The following GALNTL6 variants were observed in gnomAD, a reference collection of about 807,000 sequenced individuals.
The protein encoded by GALNTL6 is polypeptide N-acetylgalactosaminyltransferase like 6.
GALNTL6 carries 46 observed loss-of-function variants against 73.7 expected under a neutral mutation model. That is an observed-to-expected ratio of 0.62 (90% confidence interval 0.49 to 0.80). GALNTL6 has a LOEUF of 0.80. Ranked by LOEUF, GALNTL6 falls within the 30% of genes least tolerant of loss-of-function variation. GALNTL6 has a pLI of 0.00. For missense variants in GALNTL6, 604 were observed against 755.0 expected (o/e 0.80, Z 2.34); for synonymous variants, 259 against 263.7 (o/e 0.98, Z 0.17).
At chr4:172,295,399 G>A (rs995951969) in intron 3 of GALNTL6, among the ~76,000 whole-genome samples, 80 of 140,554 alleles carry the variant, frequency 5.7e-4, no homozygotes, top group African/African-American at 1.9e-3. Context: ...TCGAGCCTGG[G>A]CAACAGAGTG....
chr4:172,752,187 A>G (rs934917313), intron 5 of GALNTL6, among the ~76,000 whole-genome samples: 3 of 152,086 alleles, frequency 2.0e-5, no homozygotes, highest in Non-Finnish European at 2.9e-5. Flanking sequence ...TTAAAAAAGT[A>G]ATATATATTA....
At chr4:171,971,566 T>G (rs1417740979) in intron 2 of GALNTL6, among the ~76,000 whole-genome samples, 4 of 152,214 alleles carry the variant, frequency 2.6e-5, no homozygotes, top group African/African-American at 9.6e-5. Flanking sequence ...AAGTGAAGAA[T>G]TATTGAGCAT....
chr4:172,360,702 C>T (rs768824799), intron 5 of GALNTL6, among the ~76,000 whole-genome samples: 3 of 152,032 alleles, frequency 2.0e-5, no homozygotes, highest in African/African-American at 4.8e-5. Context: ...TCTGTGCAGT[C>T]GATGTTGCAC....
chr4:172,069,468 C>CAT (rs1269651235), intron 2 of GALNTL6, among the ~76,000 whole-genome samples: 2 of 49,638 alleles, frequency 4.0e-5, no homozygotes, highest in Non-Finnish European at 1.0e-4. Flanking sequence ...ACACATATAA[C>CAT]ATATATGTTA....
intron 5 of GALNTL6, among the ~76,000 whole-genome samples, chr4:172,463,664 T>A (rs1336134217): frequency 2.0e-5 from 3 of 152,182 alleles, no homozygotes; most frequent in Non-Finnish European, 4.4e-5. Flanking sequence ...CATTAACTAA[T>A]TAATAACAAT....
At chr4:172,020,767 G>GA in intron 2 of GALNTL6, among the ~76,000 whole-genome samples, 1 of 151,930 alleles carries the variant, frequency 6.6e-6, no homozygotes, top group African/African-American at 2.4e-5. Context: ...AAACTATTCT[G>GA]AAAAATAAGG....
At chr4:171,922,819 T>C (rs1737834305) in intron 2 of GALNTL6, among the ~76,000 whole-genome samples, 1 of 152,138 alleles carries the variant, frequency 6.6e-6, no homozygotes, top group Non-Finnish European at 1.5e-5. Flanking sequence ...TACCTTACTA[T>C]TTAATATAGA....
intron 3 of GALNTL6, among the ~76,000 whole-genome samples, chr4:172,298,471 T>C: frequency 6.6e-6 from 1 of 152,210 alleles, no homozygotes; most frequent in South Asian, 2.1e-4. Context: ...GCCCATTCAG[T>C]ATGATATTGG....
intron 2 of GALNTL6, among the ~76,000 whole-genome samples, chr4:171,932,102 G>A (rs1738203435): frequency 6.6e-6 from 1 of 152,278 alleles, no homozygotes; most frequent in Non-Finnish European, 1.5e-5. Context: ...CTTCCCTAGA[G>A]TTAAGGATAT....
intron 5 of GALNTL6, among the ~76,000 whole-genome samples, chr4:172,798,113 A>G (rs1291358749): frequency 6.6e-6 from 1 of 152,122 alleles, no homozygotes; most frequent in Admixed American, 6.6e-5. Context: ...ATATTCACTT[A>G]CAATCATTTA....
chr4:172,107,121 C>T (rs140162747), intron 2 of GALNTL6, among the ~76,000 whole-genome samples: 2 of 152,284 alleles, frequency 1.3e-5, no homozygotes, highest in East Asian at 3.9e-4. Context: ...GATCTGCCCG[C>T]CTCGGCCTCC....
intron 2 of GALNTL6, among the ~76,000 whole-genome samples, chr4:171,835,047 A>G (rs1735065161): frequency 6.6e-6 from 1 of 152,018 alleles, no homozygotes; most frequent in African/African-American, 2.4e-5. Flanking sequence ...AACATTCTCC[A>G]TGTTCTTCTT....
At chr4:172,462,489 C>T (rs1468156868) in intron 5 of GALNTL6, among the ~76,000 whole-genome samples, 1 of 152,154 alleles carries the variant, frequency 6.6e-6, no homozygotes, top group African/African-American at 2.4e-5. Context: ...ATGTGTTTTC[C>T]AATCTTAGGA....
chr4:172,771,966 T>A lies in GALNTL6; in HGVS notation c.554-37395T>A, dbSNP rs61707976. 2.2e-3 allele frequency among the ~76,000 whole-genome samples: 335 copies of A among 152,238 alleles called. 1 individual carries two copies. The highest frequency in any genetic ancestry group is 7.7e-3 in the African/African-American group (320 of 41,542). ...AAAGACATACCCGAGATTGGGCAAT[T>A]TACAGAAGAAGGAGCTTTAATGGAC... On this transcript the variant is annotated intron_variant, in intron 5 of 12. Transcript: ENST00000506823.
At chr4:172,054,160 A>G (rs1370399664) in intron 2 of GALNTL6, among the ~76,000 whole-genome samples, 1 of 152,010 alleles carries the variant, frequency 6.6e-6, no homozygotes, top group African/African-American at 2.4e-5. Context: ...TAATATTCAT[A>G]CTTAATTTTT....
At chr4:172,421,807 C>T (rs1197788614) in intron 5 of GALNTL6, among the ~76,000 whole-genome samples, 1 of 152,026 alleles carries the variant, frequency 6.6e-6, no homozygotes, top group African/African-American at 2.4e-5. Context: ...GCTATATTGT[C>T]TCCCATGGCT....
chr4:172,875,402 A>G lies in GALNTL6; in HGVS notation c.924-7388A>G, dbSNP rs183218311. Among the ~76,000 whole-genome samples, 616 of 152,350 alleles carry G rather than the reference A, an allele frequency of 4.0e-3. 2 individuals carry two copies. Among genetic ancestry groups the G allele is most frequent in the Non-Finnish European group, 6.8e-3 (463 of 68,032 alleles). On this transcript the variant is annotated intron_variant, in intron 7 of 12. Coordinates refer to ENST00000506823, the MANE Select transcript of GALNTL6 (RefSeq NM_001034845.3). Reference sequence around the variant, plus strand: ...AATTTTGGAATATAAAAAGGAACCCAAATCTATACTTTAGCCAAGGTTCCA... The same window carrying G: ...AATTTTGGAATATAAAAAGGAACCCGAATCTATACTTTAGCCAAGGTTCCA...
At position 172,961,812 on chromosome 4, in the gene GALNTL6, G is replaced by A. The variant is rs542282911; in HGVS notation, c.1371+9554G>A. Among the ~76,000 whole-genome samples, 108 of 152,332 alleles carry A rather than the reference G, an allele frequency of 7.1e-4. 1 individual carries two copies. The South Asian group carries it at 0.021, about 29-fold the overall frequency. On this transcript the variant is annotated intron_variant, in intron 10 of 12. Coordinates refer to ENST00000506823, the MANE Select transcript of GALNTL6 (RefSeq NM_001034845.3). ...TTGGTCTGAGGACCAGAGGTTGTAG[G>A]TGGATCTTTCTCATGGAACAAAGAG...
intron 4 of GALNTL6, among the ~76,000 whole-genome samples, chr4:172,341,310 G>T: frequency 6.6e-6 from 1 of 150,846 alleles, no homozygotes. Flanking sequence ...AATTAGCCGG[G>T]CGTAGTGGCG....
Sources: allele counts gnomAD v4.1 joint callset (sites outside exome capture counted in the v4.1 genomes callset), GRCh38; gene constraint gnomAD v4.1.1; transcripts MANE v1.5; gene names NCBI Gene and HGNC (gene_info 2026-07-23, HGNC 2026-07-21).